The following RNLS variants were observed in gnomAD, a reference collection of about 807,000 sequenced individuals.
The protein encoded by RNLS is renalase.
A neutral mutation model predicts 39.8 loss-of-function variants in RNLS; 39 were observed. The observed-to-expected ratio is 0.98, with a 90% CI of 0.76 to 1.28. The LOEUF (loss-of-function observed/expected upper bound fraction) is 1.28. Ranked by LOEUF, RNLS falls within the 50% of genes most tolerant of loss-of-function variation. RNLS has a pLI of 0.00. For synonymous variants in RNLS, 147 were observed against 150.7 expected, an observed-to-expected ratio of 0.98 and a Z score of 0.18; for missense variants, 410 against 413.3, an observed-to-expected ratio of 0.99 and a Z score of 0.07.
At chr10:88,239,370 T>C in the RNLS span, among the ~76,000 whole-genome samples, 2 of 152,152 alleles carry the variant, frequency 1.3e-5, no homozygotes, top group Non-Finnish European at 2.9e-5. Flanking sequence ...TAGAACATTC[T>C]CCCTCTGATT....
chr10:88,545,662 T>C (rs1010335913), intron 4 of RNLS, among the ~76,000 whole-genome samples: 3 of 152,094 alleles, frequency 2.0e-5, no homozygotes, highest in Non-Finnish European at 1.5e-5. Context: ...CCAAACCATA[T>C]CAGTAACAAT....
chr10:88,560,777 A>T (rs922062547), intron 4 of RNLS, among the ~76,000 whole-genome samples: 2 of 152,012 alleles, frequency 1.3e-5, no homozygotes, highest in African/African-American at 2.4e-5. Flanking sequence ...AGGAGGCTAA[A>T]CACTACCCAC....
intron 6 of RNLS, among the ~76,000 whole-genome samples, chr10:88,289,220 CA>C (rs1843500219): frequency 6.6e-6 from 1 of 152,116 alleles, no homozygotes; most frequent in South Asian, 2.1e-4. Context: ...ATATAAAATG[CA>C]AACGCCAAAG....
rs1349797616 is a variant in RNLS, at chr10:88,284,796, C to A, written c.*558G>T. The stretch of plus-strand genomic sequence containing the variant: ...GTCTCTTTATCAGTCAAGTTGCCCT[C>A]CACACTAAGATGATGACATATATGA... On this transcript the variant is annotated 3_prime_UTR_variant, in exon 7 of 7. Transcript: ENST00000331772. 1 of 985,306 alleles carries A rather than the reference C, an allele frequency of 1.0e-6. No individual in the cohort carries two copies. The highest frequency in any genetic ancestry group is 1.1e-4 in the East Asian group (1 of 8,812). The allele number at this position is 985,306 out of a possible 1,614,324, so 61.0% of individuals were successfully genotyped here. A position where few individuals can be genotyped will look rare whatever the true frequency, so the allele number is the denominator to read the frequency against.
At chr10:88,436,944 G>A (rs1841444514) in intron 4 of RNLS, among the ~76,000 whole-genome samples, 1 of 152,206 alleles carries the variant, frequency 6.6e-6, no homozygotes, top group Admixed American at 6.5e-5. Context: ...CCAAAAAAAT[G>A]TTGGTAGAAA....
At chr10:88,248,016 G>A in the RNLS span, among the ~76,000 whole-genome samples, 1 of 152,244 alleles carries the variant, frequency 6.6e-6, no homozygotes, top group Non-Finnish European at 1.5e-5. Flanking sequence ...GCTCAGAGAT[G>A]TTGTGGATTT....
downstream of RNLS, among the ~76,000 whole-genome samples, chr10:88,281,244 TA>T (rs1441622316): frequency 1.3e-5 from 2 of 152,188 alleles, no homozygotes; most frequent in African/African-American, 4.8e-5. Context: ...AGCACACTAA[TA>T]TGCAGTTTGG....
At chr10:88,280,203 A>G (rs1455424615), downstream of RNLS, among the ~76,000 whole-genome samples, 2 of 152,164 alleles carry the variant, frequency 1.3e-5, no homozygotes, top group African/African-American at 2.4e-5. Flanking sequence ...TATGAACGTA[A>G]GCCTCACAAC....
the RNLS span, among the ~76,000 whole-genome samples, chr10:88,185,466 A>G: frequency 2.6e-5 from 4 of 152,104 alleles, no homozygotes; most frequent in Non-Finnish European, 4.4e-5. Flanking sequence ...TTAAAACACA[A>G]TGGAGATAAC....
At chr10:88,450,590 T>A (rs1056326354) in intron 4 of RNLS, among the ~76,000 whole-genome samples, 13 of 152,120 alleles carry the variant, frequency 8.5e-5, no homozygotes, top group African/African-American at 3.1e-4. Context: ...ACAGACCACA[T>A]AAAACTGTCA....
At chr10:88,357,010 T>A (rs1849243403) in intron 5 of RNLS, among the ~76,000 whole-genome samples, 1 of 152,232 alleles carries the variant, frequency 6.6e-6, no homozygotes, top group South Asian at 2.1e-4. Context: ...CTAACTCCTA[T>A]CTGTATTGGT....
At chr10:88,382,297 G>T (rs1851578370) in intron 4 of RNLS, among the ~76,000 whole-genome samples, 1 of 152,050 alleles carries the variant, frequency 6.6e-6, no homozygotes. Context: ...AAAGCATTGT[G>T]TCTATTGTGC....
chr10:88,269,413 G>GT (rs1358958419), downstream of RNLS, among the ~76,000 whole-genome samples: 1 of 152,164 alleles, frequency 6.6e-6, no homozygotes, highest in Non-Finnish European at 1.5e-5. Context: ...CTAATTTCAT[G>GT]TTTTTTCACT....
chr10:88,495,289 G>C (rs999097014), intron 4 of RNLS, among the ~76,000 whole-genome samples: 1 of 152,142 alleles, frequency 6.6e-6, no homozygotes, highest in African/African-American at 2.4e-5. Context: ...GGTACACACA[G>C]ATGTTGATAT....
At chr10:88,266,694 TACACACACAC>T in the RNLS span, among the ~76,000 whole-genome samples, 522 of 134,204 alleles carry the variant, frequency 3.9e-3, 3 homozygotes, top group African/African-American at 0.011. Flanking sequence ...TTCTTTTAAA[TACACACACAC>T]ACACACACAC....
At chr10:88,397,216 G>A (rs1188830870) in intron 4 of RNLS, among the ~76,000 whole-genome samples, 3 of 151,836 alleles carry the variant, frequency 2.0e-5, no homozygotes, top group Non-Finnish European at 4.4e-5. Context: ...CCTGTGTTAG[G>A]CCATAAAAAG....
At chr10:88,489,884 G>A (rs1038384764) in intron 4 of RNLS, among the ~76,000 whole-genome samples, 2 of 152,148 alleles carry the variant, frequency 1.3e-5, no homozygotes, top group Admixed American at 1.3e-4. Flanking sequence ...GTCTGGCCTT[G>A]ACTGAACCCC....
Position 88,285,134 on chromosome 10 carries a change from A to G in RNLS, c.*220T>C. 8.7e-7 allele frequency: 1 copy of G among 1,149,874 alleles called. No homozygotes were observed. The highest frequency in any genetic ancestry group is 3.8e-5 in the South Asian group (1 of 26,540). 71.2% of individuals were successfully genotyped at this position (1,149,874 alleles called of 1,614,324 possible). On this transcript the variant is annotated 3_prime_UTR_variant, in exon 7 of 7. Coordinates refer to ENST00000331772, the MANE Select transcript of RNLS (RefSeq NM_001031709.3). ...ACAAGGAGTAGTCATAGCAATTCAG[A>G]AAAGTAGGGAAGGTGCAAGGTGTGA...
chr10:88,200,921 C>T, the RNLS span, among the ~76,000 whole-genome samples: 14 of 152,048 alleles, frequency 9.2e-5, no homozygotes, highest in Non-Finnish European at 1.5e-4. Flanking sequence ...CTTCCAGTGC[C>T]ACTCTTTTTC....
Sources: gnomAD v4.1 joint callset for allele counts (sites outside exome capture counted in the v4.1 genomes callset) on GRCh38, gnomAD v4.1.1 for gene constraint, MANE v1.5 for transcripts, NCBI Gene and HGNC (gene_info 2026-07-23, HGNC 2026-07-21) for gene names.